Variants in NFIA observed in about 807,000 individuals in gnomAD.
NFIA encodes nuclear factor I A.
In NFIA, 8 loss-of-function variants were observed where a neutral mutation model predicts 62.8. That is an observed-to-expected ratio of 0.13 (90% CI 0.07 to 0.23). The LOEUF (loss-of-function observed/expected upper bound fraction) is 0.23, where lower values mean the gene tolerates loss of function less well. Ranked by LOEUF, NFIA falls within the 10% of genes least tolerant of loss-of-function variation. The pLI is 1.00. For missense variants in NFIA, 410 were observed against 642.1 expected, an observed-to-expected ratio of 0.64 and a Z score of 3.91; for synonymous variants, 235 against 238.1, an observed-to-expected ratio of 0.99 and a Z score of 0.12.
intron 4 of NFIA, among the ~76,000 whole-genome samples, chr1:61,343,365 G>A (rs1030319093): frequency 2.6e-5 from 4 of 152,012 alleles, no homozygotes; most frequent in African/African-American, 9.7e-5. Flanking sequence ...AACATTTTTT[G>A]AAAAATAAAA....
chr1:61,158,575 G>C (rs1157655983), intron 2 of NFIA, among the ~76,000 whole-genome samples: 2 of 152,206 alleles, frequency 1.3e-5, no homozygotes, highest in African/African-American at 4.8e-5. Flanking sequence ...TAAGTGCACT[G>C]TCTCAGTATT....
chr1:61,150,254 T>TC (rs1463320538), intron 2 of NFIA, among the ~76,000 whole-genome samples: 3 of 152,122 alleles, frequency 2.0e-5, no homozygotes, highest in Non-Finnish European at 4.4e-5. Flanking sequence ...GTGTCGCATG[T>TC]CCCCCCATTG....
At chr1:61,187,186 A>G (rs1427773336) in intron 2 of NFIA, among the ~76,000 whole-genome samples, 4 of 152,202 alleles carry the variant, frequency 2.6e-5, no homozygotes, top group African/African-American at 9.7e-5. Context: ...CATTTAACAA[A>G]TGTTCCCCGT....
At chr1:61,314,996 G>T (rs1273686768) in intron 3 of NFIA, among the ~76,000 whole-genome samples, 1 of 152,070 alleles carries the variant, frequency 6.6e-6, no homozygotes, top group Non-Finnish European at 1.5e-5. Flanking sequence ...GAATAAATCA[G>T]GCTGTAGAGA....
rs967219360 is a variant in NFIA at position 61,263,989 on chromosome 1, T to TA, written c.560-13519dup. 3.6e-3 allele frequency among the ~76,000 whole-genome samples: 525 copies of TA among 144,076 alleles called. 5 individuals are homozygous for TA. The Middle Eastern group carries it at 0.039, about 11-fold the overall frequency. The allele number at this position is 144,076 out of a possible 152,430, so 94.5% of individuals were successfully genotyped here. On this transcript the variant is annotated intron_variant, in intron 2 of 10. Coordinates refer to ENST00000403491, the MANE Select transcript of NFIA (RefSeq NM_001134673.4). ...TGGGTGGCAGAGTGAGACTCTGACT[T>TA]AAAAAAAAAAAAGTGTAAACTTTTA...
At chr1:61,278,682 T>G (rs1034491728) in intron 3 of NFIA, among the ~76,000 whole-genome samples, 1 of 152,166 alleles carries the variant, frequency 6.6e-6, no homozygotes, top group East Asian at 1.9e-4. Flanking sequence ...TCCCAGCTAC[T>G]TGGGAGGCTT....
intron 3 of NFIA, 137 bp downstream of exon 3, chr1:61,277,722 A>G: frequency 1.3e-6 from 1 of 784,586 alleles, no homozygotes; most frequent in Non-Finnish European, 2.1e-6. Flanking sequence ...GAAAAACTCA[A>G]GTAGATTACT....
At chr1:61,144,259 G>C (rs1371826299) in intron 2 of NFIA, among the ~76,000 whole-genome samples, 3 of 152,184 alleles carry the variant, frequency 2.0e-5, no homozygotes, top group Non-Finnish European at 2.9e-5. Flanking sequence ...AAGCTCTAGG[G>C]GTGGGGCCTG....
At chr1:61,185,468 C>A (rs1651103190) in intron 2 of NFIA, among the ~76,000 whole-genome samples, 1 of 152,092 alleles carries the variant, frequency 6.6e-6, no homozygotes, top group Non-Finnish European at 1.5e-5. Flanking sequence ...TCCTTCACAC[C>A]ATAGCCAGAG....
intron 2 of NFIA, among the ~76,000 whole-genome samples, chr1:61,169,676 G>A (rs899140759): frequency 2.0e-5 from 3 of 152,134 alleles, no homozygotes; most frequent in African/African-American, 4.8e-5. Context: ...TACTTACTGG[G>A]GAAAGCGAAC....
chr1:61,108,708 A>C (rs989812930), intron 2 of NFIA, among the ~76,000 whole-genome samples: 2 of 151,592 alleles, frequency 1.3e-5, no homozygotes, highest in Non-Finnish European at 3.0e-5. Context: ...TTAATATTTA[A>C]ATATTACTTT....
chr1:61,322,538 G>A (rs1378464735), intron 3 of NFIA, among the ~76,000 whole-genome samples: 2 of 152,002 alleles, frequency 1.3e-5, no homozygotes, highest in Non-Finnish European at 1.5e-5. Flanking sequence ...TTCAGGGCAA[G>A]AATTTCCTTT....
In NFIA at chr1:61,088,675, C is replaced by G. The variant is rs778306756; in HGVS notation, c.554C>G (p.Ala185Gly). 6.2e-7 allele frequency: 1 copy of G among 1,611,158 alleles called. No homozygotes were observed. Among genetic ancestry groups the G allele is most frequent in the South Asian group, 1.1e-5 (1 of 90,932 alleles). The change falls in exon 2 of 11, where the codon GCA becomes GGA. Residue 185 changes from alanine to glycine, a missense_variant. Ala to Gly is a moderately conservative substitution (Grantham distance 60, BLOSUM62 0). Transcript: ENST00000403491. This position sits in a 1 kb window ranked among gnomAD's most constrained non-coding sequence, Gnocchi z 4.5. ...TTATATTTGGCATACTTTGTGCATGCAGCAGGTAAGTGCGATGGTGAGAAT... is the reference window on the plus strand; with the variant it reads ...TTATATTTGGCATACTTTGTGCATGGAGCAGGTAAGTGCGATGGTGAGAAT... Reference protein sequence around the residue: ...LDLYLAYFVHAADSSQSESPS... With the variant: ...LDLYLAYFVHGADSSQSESPS...
intron 3 of NFIA, among the ~76,000 whole-genome samples, chr1:61,287,280 G>A (rs984407291): frequency 6.6e-6 from 1 of 152,156 alleles, no homozygotes; most frequent in Non-Finnish European, 1.5e-5. Flanking sequence ...ATTTGTCATG[G>A]CAGTATCTTT....
intron 2 of NFIA, among the ~76,000 whole-genome samples, chr1:61,130,097 C>T (rs1230764151): frequency 6.6e-6 from 1 of 152,102 alleles, no homozygotes; most frequent in Non-Finnish European, 1.5e-5. Flanking sequence ...GCATGATAGT[C>T]TTACCAGCCT....
chr1:61,455,193 C>A, intron 10 of NFIA, 110 bp from the exon 11 acceptor site: 1 of 1,057,228 alleles, frequency 9.5e-7, no homozygotes, highest in Admixed American at 2.3e-5. Context: ...CCAGCGAATC[C>A]CTCCCGCATC....
At chr1:61,230,715 C>T (rs940213175) in intron 2 of NFIA, among the ~76,000 whole-genome samples, 3 of 152,162 alleles carry the variant, frequency 2.0e-5, no homozygotes, top group African/African-American at 4.8e-5. Context: ...TCTCCTCACC[C>T]GCATCCCGTT....
chr1:61,239,127 G>A (rs956397204), intron 2 of NFIA, among the ~76,000 whole-genome samples: 2 of 152,078 alleles, frequency 1.3e-5, no homozygotes, highest in Non-Finnish European at 1.5e-5. Flanking sequence ...GATTTCTCAC[G>A]TTCCTTTTGC....
intron 2 of NFIA, among the ~76,000 whole-genome samples, chr1:61,220,721 A>G (rs1382499860): frequency 6.6e-6 from 1 of 152,246 alleles, no homozygotes; most frequent in Non-Finnish European, 1.5e-5. Context: ...TTGCCTAAAT[A>G]GAATGTGGTT....
Sources: allele counts gnomAD v4.1 joint callset (sites outside exome capture counted in the v4.1 genomes callset), GRCh38; gene constraint gnomAD v4.1.1; non-coding constraint Gnocchi (gnomAD v3.1); transcripts MANE v1.5; gene names NCBI Gene and HGNC (gene_info 2026-07-23, HGNC 2026-07-21).